HSPA12A: variants seen among roughly 807,000 people sequenced by gnomAD.
HSPA12A encodes the protein heat shock 70 kDa protein 12A.
In HSPA12A, 28 loss-of-function variants were observed where a neutral mutation model predicts 69.2. The observed-to-expected ratio is 0.40, with a 90% CI of 0.30 to 0.55. The LOEUF is 0.55. Ranked by LOEUF, HSPA12A falls within the 20% of genes least tolerant of loss-of-function variation. The pLI, the probability that HSPA12A is intolerant of heterozygous loss-of-function variation, is 0.38. For missense variants in HSPA12A, 686 were observed against 900.7 expected (o/e 0.76, Z 3.05); for synonymous variants, 345 against 370.5 (o/e 0.93, Z 0.79).
intron 2 of HSPA12A, among the ~76,000 whole-genome samples, chr10:116,757,448 A>G (rs554128040): frequency 1.6e-4 from 25 of 152,130 alleles, no homozygotes; most frequent in Non-Finnish European, 2.8e-4. Flanking sequence ...CCCCTCTCCC[A>G]AGGTCACCTG....
At chr10:116,696,619 A>C (rs1243031241) in intron 5 of HSPA12A, among the ~76,000 whole-genome samples, 2 of 152,114 alleles carry the variant, frequency 1.3e-5, no homozygotes, top group African/African-American at 4.8e-5. Flanking sequence ...AGACTAATAC[A>C]ACACTCTACT....
At chr10:116,826,020 G>GAATTC (rs1845498025) in intron 2 of HSPA12A, among the ~76,000 whole-genome samples, 1 of 152,116 alleles carries the variant, frequency 6.6e-6, no homozygotes, top group Non-Finnish European at 1.5e-5. Context: ...TGTGTGAAGG[G>GAATTC]CTGTCACATG....
chr10:116,765,736 C>A (rs1443258409), intron 2 of HSPA12A, among the ~76,000 whole-genome samples: 1 of 152,172 alleles, frequency 6.6e-6, no homozygotes, highest in Non-Finnish European at 1.5e-5. Context: ...CCATAGCCTG[C>A]TGTTCTCGAG....
intron 10 of HSPA12A, among the ~76,000 whole-genome samples, chr10:116,677,490 T>C (rs1377676502): frequency 6.6e-6 from 1 of 151,964 alleles, no homozygotes; most frequent in African/African-American, 2.4e-5. Flanking sequence ...AGTGGGAGGG[T>C]TGACAGGCCC....
intron 1 of HSPA12A, among the ~76,000 whole-genome samples, chr10:116,714,445 CT>C (rs1589654049): frequency 1.3e-5 from 2 of 152,104 alleles, no homozygotes; most frequent in East Asian, 3.9e-4. Flanking sequence ...CCTATCACTC[CT>C]TCTAATTAGC....
intron 2 of HSPA12A, among the ~76,000 whole-genome samples, chr10:116,757,963 G>T (rs1192806985): frequency 1.3e-5 from 2 of 152,178 alleles, no homozygotes. Context: ...ATATCAATAG[G>T]AGTAGCCTCT....
At chr10:116,813,033 G>A (rs2133185907) in intron 2 of HSPA12A, among the ~76,000 whole-genome samples, 1 of 152,250 alleles carries the variant, frequency 6.6e-6, no homozygotes, top group South Asian at 2.1e-4. Context: ...GGAGTTTCCA[G>A]CCATCCTGAG....
intron 2 of HSPA12A, among the ~76,000 whole-genome samples, chr10:116,752,108 T>C (rs1421989723): frequency 6.6e-6 from 1 of 152,196 alleles, no homozygotes; most frequent in Non-Finnish European, 1.5e-5. Flanking sequence ...AAGTCCACAC[T>C]TATGTTGGCC....
rs115567014 is a variant in HSPA12A, at chr10:116,802,036, C to T, written c.91+32899G>A. 6.1e-3 allele frequency among the ~76,000 whole-genome samples: 923 copies of T among 152,166 alleles called. 10 individuals are homozygous for T. Among genetic ancestry groups the T allele is most frequent in the African/African-American group, 0.021 (886 of 41,524 alleles). On this transcript the variant is annotated intron_variant, in intron 2 of 12. Coordinates refer to the HSPA12A transcript ENST00000635765. ...GAATGGAAACAGGCCTGCTAGCCAC[C>T]CTGGGGAGGGCATAAGCTCTGGCAC...
chr10:116,808,559 C>T (rs1845113768), intron 2 of HSPA12A, among the ~76,000 whole-genome samples: 1 of 152,152 alleles, frequency 6.6e-6, no homozygotes, highest in African/African-American at 2.4e-5. Context: ...GTTTAGAGAA[C>T]TGCGGGACCT....
At chr10:116,765,483 T>C (rs1844055889) in intron 2 of HSPA12A, among the ~76,000 whole-genome samples, 1 of 151,960 alleles carries the variant, frequency 6.6e-6, no homozygotes, top group African/African-American at 2.4e-5. Context: ...AAAGGAATAA[T>C]GGTAGTAATT....
intron 7 of HSPA12A, among the ~76,000 whole-genome samples, chr10:116,682,429 C>G (rs1326393526): frequency 2.0e-5 from 3 of 150,832 alleles, no homozygotes; most frequent in African/African-American, 7.4e-5. Flanking sequence ...GTGTGTTTTC[C>G]TAACATGCAC....
chr10:116,720,547 T>G (rs1850745350), intron 1 of HSPA12A, among the ~76,000 whole-genome samples: 1 of 152,244 alleles, frequency 6.6e-6, no homozygotes, highest in South Asian at 2.1e-4. Context: ...AGGCCAGACG[T>G]GCCATCCTGC....
chr10:116,802,758 G>T lies in HSPA12A; in HGVS notation c.91+32177C>A, dbSNP rs1613311. ...GATCACGGCTTGCCTACCTCTCCCT[G>T]GCAGGGCCTTCCCACAGGAGGGACA... On this transcript the variant is annotated intron_variant, in intron 2 of 12. Transcript: ENST00000635765. Among the ~76,000 whole-genome samples, 4 of 152,118 alleles carry T rather than the reference G, an allele frequency of 2.6e-5. No individual in the cohort carries two copies. In the South Asian group the frequency reaches 6.2e-4, roughly 24 times the overall value.
chr10:116,677,419 G>C (rs1849271666), intron 10 of HSPA12A, among the ~76,000 whole-genome samples: 1 of 152,242 alleles, frequency 6.6e-6, no homozygotes, highest in South Asian at 2.1e-4. Context: ...CCATGGCGTA[G>C]GCCAAAGGAC....
chr10:116,740,561 C>T (rs576900983), intron 1 of HSPA12A, among the ~76,000 whole-genome samples: 13 of 152,154 alleles, frequency 8.5e-5, no homozygotes, highest in South Asian at 6.2e-4. Context: ...CCAGAACAAA[C>T]GCAGAAGAGC....
At chr10:116,808,033 T>C (rs1230415463) in intron 2 of HSPA12A, among the ~76,000 whole-genome samples, 1 of 152,190 alleles carries the variant, frequency 6.6e-6, no homozygotes, top group Non-Finnish European at 1.5e-5. Flanking sequence ...GTCTCCAGGG[T>C]ATAATTTCCC....
chr10:116,759,441 A>G (rs187445232), intron 2 of HSPA12A, among the ~76,000 whole-genome samples: 35 of 152,238 alleles, frequency 2.3e-4, no homozygotes, highest in African/African-American at 8.2e-4. Context: ...TTCTTATTGG[A>G]CAGAACTAGA....
chr10:116,768,346 G>C (rs764677249), intron 2 of HSPA12A, among the ~76,000 whole-genome samples: 11 of 152,150 alleles, frequency 7.2e-5, no homozygotes, highest in Non-Finnish European at 1.6e-4. Flanking sequence ...CAGGGGCTGT[G>C]GGGAGGGGGA....
Sources: allele counts gnomAD v4.1 joint callset (sites outside exome capture counted in the v4.1 genomes callset), GRCh38; gene constraint gnomAD v4.1.1; transcripts MANE v1.5; gene names NCBI Gene and HGNC (gene_info 2026-07-23, HGNC 2026-07-21).